The following MGAM2 variants were observed in gnomAD, a reference collection of about 807,000 sequenced individuals.
The protein encoded by MGAM2 is maltase-glucoamylase 2 (putative).
MGAM2 carries 98 observed loss-of-function variants against 96.1 expected under a neutral mutation model. The observed-to-expected ratio is 1.02, with a 90% confidence interval of 0.87 to 1.21. The LOEUF (loss-of-function observed/expected upper bound fraction) is 1.21, where lower values mean the gene tolerates loss of function less well. Among genes scored for constraint, MGAM2 ranks in the 50% most tolerant of loss-of-function variants. The pLI, the probability that MGAM2 is intolerant of heterozygous loss-of-function variation, is 0.00. For missense variants in MGAM2, 2,055 were observed against 1,182.4 expected (o/e 1.74, Z -10.82); for synonymous variants, 749 against 414.8 (o/e 1.81, Z -9.79).
chr7:142,132,409 ATAATAATATATTATTACTATTAATATAAT>A (rs1481231714), intron 6 of MGAM2, among the ~76,000 whole-genome samples: 6 of 140,932 alleles, frequency 4.3e-5, no homozygotes, highest in African/African-American at 1.6e-4. Context: ...ATATAATATA[ATAATAATATATTATTACTATTAATATAAT>A]TAATAATATT....
Position 142,130,949 on chromosome 7 carries a change from A to T in MGAM2, c.188A>T (p.Asp63Val), listed in dbSNP as rs1306782052. 1 of 702,574 alleles carries T rather than the reference A, an allele frequency of 1.4e-6. No homozygotes were observed. Among genetic ancestry groups the T allele is most frequent in the African/African-American group, 1.7e-5 (1 of 57,246 alleles). The allele number at this position is 702,574 out of a possible 1,614,324, so 43.5% of individuals were successfully genotyped here. ...DCTPDQEVTEDICRWQYKCCW... is the reference protein window; with the variant it reads ...DCTPDQEVTEVICRWQYKCCW... ...GCTAACTCTGTGTCATTGTTACAGG[A>T]TATCTGCAGATGGCAATATAAGTGC... Residue 63 changes from aspartate to valine, a missense_variant and splice_region_variant, in exon 4 of 48, where the codon GAT becomes GTT. Transcript: ENST00000477922.
intron 23 of MGAM2, among the ~76,000 whole-genome samples, chr7:142,164,540 T>A (rs1336540238): frequency 6.6e-6 from 1 of 152,194 alleles, no homozygotes; most frequent in African/African-American, 2.4e-5. Context: ...CCAATGAGGC[T>A]CTTATCTTTT....
intron 46 of MGAM2, among the ~76,000 whole-genome samples, chr7:142,213,146 G>T (rs1004042660): frequency 2.4e-4 from 37 of 152,034 alleles, no homozygotes. Flanking sequence ...CAAAAACAAA[G>T]ACACAACATA....
rs1166114293 is a variant in MGAM2, at chr7:142,154,010, C to A, written c.1635-8C>A. 4.7e-6 allele frequency: 3 copies of A among 644,258 alleles called. No individual in the cohort carries two copies. The African/African-American group carries it at 5.3e-5, about 11-fold the overall frequency. The allele number at this position is 644,258 out of a possible 1,614,324, so 39.9% of individuals were successfully genotyped here. ...ACCTCACACTCCACTGGATGTATTC[C>A]TTTCCAGAGCCCTGGAGACCATCTT... On this transcript the variant is annotated splice_polypyrimidine_tract_variant and splice_region_variant and intron_variant, in intron 15 of 47. Coordinates refer to ENST00000477922, the MANE Select transcript of MGAM2 (RefSeq NM_001293626.2).
intron 2 of MGAM2, among the ~76,000 whole-genome samples, chr7:142,118,370 A>AATAT (rs200020168): frequency 6.6e-6 from 1 of 152,014 alleles, no homozygotes; most frequent in African/African-American, 2.4e-5. Context: ...TTTTTATTGA[A>AATAT]ATATATATAT....
intron 3 of MGAM2, among the ~76,000 whole-genome samples, chr7:142,127,919 C>T (rs1446959090): frequency 6.6e-6 from 1 of 152,070 alleles, no homozygotes; most frequent in African/African-American, 2.4e-5. Flanking sequence ...TGTAAAGATA[C>T]CTGAAAATGT....
intron 10 of MGAM2, among the ~76,000 whole-genome samples, chr7:142,139,192 G>T (rs759217233): frequency 6.6e-6 from 1 of 152,160 alleles, no homozygotes; most frequent in African/African-American, 2.4e-5. Context: ...TAATTTTGAA[G>T]CTTCATGGTT....
At chr7:142,162,557 G>A (rs1585176435) in intron 23 of MGAM2, among the ~76,000 whole-genome samples, 1 of 151,748 alleles carries the variant, frequency 6.6e-6, no homozygotes, top group South Asian at 2.1e-4. Flanking sequence ...GATCATATAT[G>A]GGCAGAACTT....
chr7:142,119,273 C>T (rs1356792189), intron 2 of MGAM2, among the ~76,000 whole-genome samples: 3 of 151,888 alleles, frequency 2.0e-5, no homozygotes, highest in Non-Finnish European at 2.9e-5. Flanking sequence ...TTTAAATAGA[C>T]ATTTCTCCCA....
At chr7:142,185,010 C>T (rs1796651673) in intron 33 of MGAM2, 67 bp from the exon 34 acceptor site, 1 of 686,988 alleles carries the variant, frequency 1.5e-6, no homozygotes, top group Non-Finnish European at 2.7e-6. Flanking sequence ...GAGTCTAACA[C>T]ATGAAATATC....
At chr7:142,180,871 C>G (rs1017423662) in intron 32 of MGAM2, among the ~76,000 whole-genome samples, 4 of 152,000 alleles carry the variant, frequency 2.6e-5, no homozygotes, top group African/African-American at 9.7e-5. Flanking sequence ...TTGTTTTAAT[C>G]CCAGAAGTTG....
At chr7:142,165,101 C>T (rs2129087879) in intron 24 of MGAM2, 78 bp downstream of exon 24, 1 of 585,232 alleles carries the variant, frequency 1.7e-6, no homozygotes, top group East Asian at 2.9e-5. Context: ...GCTCTTTTAA[C>T]TGTGGGCAGT....
At chr7:142,119,979 G>A (rs187420706) in intron 2 of MGAM2, among the ~76,000 whole-genome samples, 88 of 152,286 alleles carry the variant, frequency 5.8e-4, no homozygotes, top group African/African-American at 1.9e-3. Context: ...ATTCGACAGC[G>A]GTCACAGGTT....
chr7:142,217,261 C>T (rs762595439), intron 46 of MGAM2, among the ~76,000 whole-genome samples: 8 of 152,152 alleles, frequency 5.3e-5, no homozygotes, highest in Non-Finnish European at 1.0e-4. Flanking sequence ...GTTTCTTGCA[C>T]ACTGTCCTCA....
chr7:142,146,309 C>T (rs966736350), intron 14 of MGAM2, among the ~76,000 whole-genome samples: 3 of 151,948 alleles, frequency 2.0e-5, no homozygotes, highest in Non-Finnish European at 4.4e-5. Context: ...CCTCCCCTTT[C>T]CAGGATTGCA....
At chr7:142,169,213 G>A (rs1796119085) in intron 26 of MGAM2, among the ~76,000 whole-genome samples, 1 of 152,106 alleles carries the variant, frequency 6.6e-6, no homozygotes, top group African/African-American at 2.4e-5. Context: ...GGTGAGGTCA[G>A]GAGATCAAAA....
intron 3 of MGAM2, among the ~76,000 whole-genome samples, chr7:142,130,597 A>G (rs1794856018): frequency 6.6e-6 from 1 of 152,198 alleles, no homozygotes; most frequent in Non-Finnish European, 1.5e-5. Flanking sequence ...TAGGCTGGGT[A>G]CAGTGACTGT....
chr7:142,130,573 C>G (rs564507003), intron 3 of MGAM2, among the ~76,000 whole-genome samples: 21 of 152,320 alleles, frequency 1.4e-4, no homozygotes, highest in African/African-American at 4.1e-4. Flanking sequence ...CTCCCTACCC[C>G]ACTCCACGCC....
At chr7:142,115,003 G>A (rs1014471323) in intron 1 of MGAM2, among the ~76,000 whole-genome samples, 1 of 151,836 alleles carries the variant, frequency 6.6e-6, no homozygotes, top group African/African-American at 2.4e-5. Context: ...ATCATTTAAG[G>A]TCAGGAGTTC....
Sources: gnomAD v4.1 joint callset for allele counts (sites outside exome capture counted in the v4.1 genomes callset) on GRCh38, gnomAD v4.1.1 for gene constraint, MANE v1.5 for transcripts, NCBI Gene and HGNC (gene_info 2026-07-23, HGNC 2026-07-21) for gene names.